Variants in CD163L1 observed in about 807,000 individuals in gnomAD.
CD163L1 encodes the protein CD163 molecule like 1.
A neutral mutation model predicts 165.4 loss-of-function variants in CD163L1; 124 were observed. The ratio of observed to expected loss-of-function variants is 0.75; its 90% CI spans 0.65 to 0.87. The LOEUF is 0.87. Ranked by LOEUF, CD163L1 falls within the 40% of genes least tolerant of loss-of-function variation. The pLI, the probability that CD163L1 is intolerant of heterozygous loss-of-function variation, is 0.00. For synonymous variants in CD163L1, 585 were observed against 662.2 expected (o/e 0.88, Z 1.79); for missense variants, 1,525 against 1,799.9 (o/e 0.85, Z 2.76).
At chr12:7,352,910 G>A (rs1946717116), downstream of CD163L1, among the ~76,000 whole-genome samples, 1 of 151,908 alleles carries the variant, frequency 6.6e-6, no homozygotes, top group African/African-American at 2.4e-5. Flanking sequence ...ACAAAAAAGA[G>A]ATAAGAAAGA....
chr12:7,320,553 C>T, the CD163L1 span, among the ~76,000 whole-genome samples: 1 of 152,078 alleles, frequency 6.6e-6, no homozygotes, highest in African/African-American at 2.4e-5. Context: ...TGGAAATTCC[C>T]AACAGATATA....
At chr12:7,431,385 C>CCAGCCTGGGAAA (rs1277772434) in intron 4 of CD163L1, among the ~76,000 whole-genome samples, 12 of 151,730 alleles carry the variant, frequency 7.9e-5, no homozygotes, top group Non-Finnish European at 1.8e-4. Flanking sequence ...CCACTACACT[C>CCAGCCTGGGAAA]CAGCCTGGGC....
chr12:7,334,407 A>G, the CD163L1 span, among the ~76,000 whole-genome samples: 1 of 152,252 alleles, frequency 6.6e-6, no homozygotes, highest in Non-Finnish European at 1.5e-5. Flanking sequence ...TTATCTCAAT[A>G]GATGCAGAAA....
downstream of CD163L1, among the ~76,000 whole-genome samples, chr12:7,344,678 C>G (rs1946657791): frequency 1.3e-5 from 2 of 152,230 alleles, no homozygotes; most frequent in South Asian, 4.1e-4. Context: ...GTGTTCCACC[C>G]TTGCAGCAGG....
the CD163L1 span, chr12:7,323,515 CA>C: frequency 6.2e-7 from 1 of 1,613,872 alleles, no homozygotes; most frequent in Non-Finnish European, 8.5e-7. Flanking sequence ...AAATTGCCCT[CA>C]GACTCAAACC....
In CD163L1 at chr12:7,374,406, G is replaced by C; in HGVS notation, c.3409+36C>G. On this transcript the variant is annotated intron_variant, in intron 13 of 19. Transcript: ENST00000313599. The surrounding 1 kb of genome is among the most constrained non-coding windows in gnomAD (Gnocchi z 5.4). ...TGTGTGTGTGCAAGTGTGTGCACGT[G>C]TGTGTAGAGGAGGGTGAAAAGGTAG... 6.4e-7 allele frequency: 1 copy of C among 1,569,530 alleles called. No individual in the cohort carries two copies. Among genetic ancestry groups the C allele is most frequent in the Non-Finnish European group, 8.7e-7 (1 of 1,154,788 alleles).
intron 2 of CD163L1, among the ~76,000 whole-genome samples, chr12:7,437,209 T>TTTAATAGTATTTAAAAGTATTTAAATAC (rs1565820114): frequency 3.1e-4 from 16 of 52,374 alleles, no homozygotes; most frequent in African/African-American, 7.9e-4. Flanking sequence ...TATTACTTTT[T>TTTAATAGTATTTAAAAGTATTTAAATAC]TATTTTAATA....
intron 18 of CD163L1, among the ~76,000 whole-genome samples, chr12:7,360,451 T>C (rs1296941864): frequency 1.3e-5 from 2 of 152,164 alleles, no homozygotes; most frequent in Non-Finnish European, 2.9e-5. Context: ...CCAGTATGTA[T>C]ATCTTTTGAT....
chr12:7,396,627 G>C (rs1033139524), intron 7 of CD163L1, among the ~76,000 whole-genome samples: 1 of 152,120 alleles, frequency 6.6e-6, no homozygotes, highest in Non-Finnish European at 1.5e-5. Context: ...CATCCAATCA[G>C]TTGAAGACCT....
chr12:7,335,170 G>T, the CD163L1 span, among the ~76,000 whole-genome samples: 3 of 152,288 alleles, frequency 2.0e-5, no homozygotes, highest in Middle Eastern at 3.4e-3. Context: ...CCAAAAAAGA[G>T]CCTGCATCAC....
Position 7,433,567 on chromosome 12 carries a change from G to T in CD163L1, c.252C>A (p.Val84=). Residue 84 remains valine, a synonymous_variant, in exon 3 of 20, where the codon GTC becomes GTA. Transcript: ENST00000313599. ...ATGGACATCCAAGCTGTTTGCACAC[G>T]ACAGTTGAGGCAGTAGTGTTCCACC... The part of the protein sequence containing the change: ...DDGWNTTAST[V]VCKQLGCPFS... 6.2e-7 allele frequency: 1 copy of T among 1,613,964 alleles called. No homozygotes were observed. The highest frequency in any genetic ancestry group is 1.1e-5 in the South Asian group (1 of 91,064).
chr12:7,412,037 T>A (rs918418052), intron 4 of CD163L1, among the ~76,000 whole-genome samples: 2 of 152,190 alleles, frequency 1.3e-5, no homozygotes, highest in African/African-American at 4.8e-5. Context: ...ATCTTCAAAA[T>A]AGACAAAAGT....
At chr12:7,390,501 T>C (rs1467222380) in intron 8 of CD163L1, among the ~76,000 whole-genome samples, 1 of 151,924 alleles carries the variant, frequency 6.6e-6, no homozygotes, top group African/African-American at 2.4e-5. Flanking sequence ...ATATTATAGA[T>C]CAGTAAAAAT....
At position 7,406,687 on chromosome 12, in the gene CD163L1, A is replaced by G. The variant is rs771093107; in HGVS notation, c.932T>C (p.Phe311Ser). The G allele has an allele frequency of 6.2e-7, 1 of 1,614,136 alleles. No homozygotes were observed. The highest frequency in any genetic ancestry group is 8.5e-7 in the Non-Finnish European group (1 of 1,180,006). The change falls in exon 5 of 20, where the codon TTC (phenylalanine) becomes TCC (serine). Residue 311 changes from phenylalanine (F) to serine (S), a missense_variant. By Grantham distance (155) the Phe-to-Ser change is radical. Transcript: ENST00000313599. ...TGACTGCAAATGAGGCAAGCCAGCGAAGTGAAGTGCGGTTCCACATCCCAA... is the reference window on the plus strand; with the variant it reads ...TGACTGCAAATGAGGCAAGCCAGCGGAGTGAAGTGCGGTTCCACATCCCAA... ...KQLGCGTALHFAGLPHLQSGS... is the reference protein window; with the variant it reads ...KQLGCGTALHSAGLPHLQSGS...
intron 5 of CD163L1, among the ~76,000 whole-genome samples, chr12:7,406,011 G>A (rs934159846): frequency 1.5e-4 from 23 of 152,214 alleles, no homozygotes; most frequent in Admixed American, 9.2e-4. Context: ...GAAAACAAAT[G>A]GCTGCAGACA....
intron 18 of CD163L1, among the ~76,000 whole-genome samples, chr12:7,357,937 G>A (rs781131905): frequency 6.6e-6 from 1 of 152,030 alleles, no homozygotes; most frequent in Non-Finnish European, 1.5e-5. Flanking sequence ...ATTTCAAGAA[G>A]GTTGAATATG....
chr12:7,403,641 G>C lies in CD163L1; in HGVS notation c.1302C>G (p.Asn434Lys). ...PSNEARDIWI[N>K]SISCTGNESA... The stretch of plus-strand genomic sequence containing the variant: ...ACTCATTCCCAGTGCAAGATATGCT[G>C]TTTATCCAAATGTCTCTAGCTTCAT... The change falls in exon 6 of 20, where the codon AAC (asparagine) becomes AAG (lysine). Residue 434 changes from asparagine (N) to lysine (K), a missense_variant. Asn to Lys is a moderately conservative substitution (Grantham distance 94). Coordinates refer to ENST00000313599, the MANE Select transcript of CD163L1 (RefSeq NM_174941.6). The C allele has an allele frequency of 6.2e-7, 1 of 1,614,014 alleles. No homozygotes were observed. The highest frequency in any genetic ancestry group is 8.5e-7 in the Non-Finnish European group (1 of 1,179,970).
intron 4 of CD163L1, among the ~76,000 whole-genome samples, chr12:7,408,741 C>T (rs1017991894): frequency 2.0e-5 from 3 of 152,158 alleles, no homozygotes; most frequent in South Asian, 2.1e-4. Flanking sequence ...CAATTGGGCA[C>T]GCCAGCTCTT....
At chr12:7,319,458 G>A in the CD163L1 span, among the ~76,000 whole-genome samples, 3 of 151,966 alleles carry the variant, frequency 2.0e-5, no homozygotes, top group Non-Finnish European at 4.4e-5. Context: ...AGGCATGGTG[G>A]TGGGTGCCTG....
Sources: gnomAD v4.1 joint callset for allele counts (sites outside exome capture counted in the v4.1 genomes callset) on GRCh38, gnomAD v4.1.1 for gene constraint, Gnocchi (gnomAD v3.1) non-coding constraint, MANE v1.5 for transcripts, NCBI Gene and HGNC (gene_info 2026-07-23, HGNC 2026-07-21) for gene names.